Variants in ANKS1B observed in about 807,000 individuals in gnomAD.
ANKS1B encodes the protein ankyrin repeat and sterile alpha motif domain containing 1B.
A neutral mutation model predicts 148.3 loss-of-function variants in ANKS1B; 36 were observed. That is an observed-to-expected ratio of 0.24 (90% CI 0.19 to 0.32). The LOEUF (loss-of-function observed/expected upper bound fraction) is 0.32. Ranked by LOEUF, ANKS1B falls within the 10% of genes least tolerant of loss-of-function variation. The pLI is 1.00. For synonymous variants in ANKS1B, 542 were observed against 560.8 expected (o/e 0.97, Z 0.47); for missense variants, 1,157 against 1,542.6 (o/e 0.75, Z 4.19).
intron 14 of ANKS1B, among the ~76,000 whole-genome samples, chr12:99,190,769 A>G (rs1375913267): frequency 6.6e-6 from 1 of 152,234 alleles, no homozygotes; most frequent in Non-Finnish European, 1.5e-5. Context: ...AATACCATTC[A>G]GGACACAGGC....
intron 25 of ANKS1B, among the ~76,000 whole-genome samples, chr12:98,760,115 T>C (rs1451848664): frequency 6.6e-6 from 1 of 152,254 alleles, no homozygotes; most frequent in Non-Finnish European, 1.5e-5. Context: ...GAATAGTAGT[T>C]ATCACTGCGT....
At chr12:99,179,297 CG>C (rs1185110287) in intron 14 of ANKS1B, among the ~76,000 whole-genome samples, 1 of 151,630 alleles carries the variant, frequency 6.6e-6, no homozygotes, top group African/African-American at 2.4e-5. Flanking sequence ...GGCGTGGTGG[CG>C]GGTGCCTGTA....
chr12:99,009,364 G>C (rs987087574), intron 17 of ANKS1B, among the ~76,000 whole-genome samples: 1 of 152,184 alleles, frequency 6.6e-6, no homozygotes, highest in African/African-American at 2.4e-5. Context: ...ACAGAGAGAA[G>C]GGACTGGACA....
intron 9 of ANKS1B, among the ~76,000 whole-genome samples, chr12:99,629,444 A>G (rs953112262): frequency 6.6e-6 from 1 of 152,182 alleles, no homozygotes; most frequent in Non-Finnish European, 1.5e-5. Flanking sequence ...GTACTCTACT[A>G]TTACTACTTA....
chr12:99,459,408 G>T lies in ANKS1B; in HGVS notation c.1439-15599C>A, dbSNP rs150064949. On this transcript the variant is annotated intron_variant, in intron 10 of 26. Coordinates refer to ENST00000683438, the MANE Select transcript of ANKS1B (RefSeq NM_001352186.2). ...AACATAGTACTGGAAGTCCTAGCCA[G>T]AGAAATCAGATAAAAGAAAGAAATA... 8.2e-4 allele frequency among the ~76,000 whole-genome samples: 124 copies of T among 152,112 alleles called. 1 individual carries two copies. The highest frequency in any genetic ancestry group is 2.9e-3 in the African/African-American group (122 of 41,512).
At chr12:99,694,133 C>G (rs551669101) in intron 8 of ANKS1B, among the ~76,000 whole-genome samples, 48 of 149,326 alleles carry the variant, frequency 3.2e-4, no homozygotes, top group African/African-American at 1.1e-3. Context: ...TCTATAAAAG[C>G]ATTAGAATTG....
intron 1 of ANKS1B, among the ~76,000 whole-genome samples, chr12:99,938,821 C>T (rs1193210778): frequency 6.6e-6 from 1 of 152,130 alleles, no homozygotes; most frequent in Non-Finnish European, 1.5e-5. Context: ...CCTTCCATTT[C>T]CCGACTAAAT....
intron 1 of ANKS1B, among the ~76,000 whole-genome samples, chr12:99,844,224 G>C (rs891596306): frequency 1.3e-5 from 2 of 152,010 alleles, no homozygotes; most frequent in Non-Finnish European, 2.9e-5. Flanking sequence ...AGTTTCTTTT[G>C]CTGTGCAGAA....
intron 9 of ANKS1B, among the ~76,000 whole-genome samples, chr12:99,582,329 C>A (rs2097578421): frequency 1.3e-5 from 2 of 151,694 alleles, no homozygotes; most frequent in African/African-American, 4.8e-5. Context: ...ACTATGTAAT[C>A]CCACATCTAG....
In ANKS1B at chr12:99,660,223, C is replaced by T. The variant is rs528234555; in HGVS notation, c.1129-5013G>A. Among the ~76,000 whole-genome samples the T allele has an allele frequency of 4.6e-5, 7 of 152,258 alleles. No homozygotes were observed. The South Asian group carries it at 1.5e-3, about 32-fold the overall frequency. On this transcript the variant is annotated intron_variant, in intron 8 of 26. Transcript: ENST00000683438. ...TGAAAGAGTGAAGCTTTCCTAGCCT[C>T]GGTCCCACATTCAGTGGGTGTACTT...
intron 1 of ANKS1B, among the ~76,000 whole-genome samples, chr12:99,939,715 C>G (rs767592390): frequency 6.6e-6 from 1 of 152,080 alleles, no homozygotes; most frequent in Non-Finnish European, 1.5e-5. Flanking sequence ...GAAAAGTGTT[C>G]AACTGTTACT....
At chr12:99,963,525 A>G (rs2095444474) in intron 1 of ANKS1B, among the ~76,000 whole-genome samples, 1 of 152,214 alleles carries the variant, frequency 6.6e-6, no homozygotes. Context: ...ATGATCTTTT[A>G]AAGTACAGAA....
intron 12 of ANKS1B, among the ~76,000 whole-genome samples, chr12:99,382,958 C>T (rs1396661680): frequency 6.6e-6 from 1 of 152,018 alleles, no homozygotes; most frequent in Non-Finnish European, 1.5e-5. Context: ...CCTCCCTGCC[C>T]CCTCCCACCC....
intron 24 of ANKS1B, 78 bp downstream of exon 24, chr12:98,781,039 T>TA: frequency 1.1e-6 from 1 of 875,168 alleles, no homozygotes; most frequent in South Asian, 1.7e-5. Context: ...TGCTGGGTAT[T>TA]ATAGGAAGCA....
intron 1 of ANKS1B, among the ~76,000 whole-genome samples, chr12:99,972,330 C>G (rs1432010926): frequency 6.6e-6 from 1 of 152,172 alleles, no homozygotes; most frequent in African/African-American, 2.4e-5. Flanking sequence ...TTATGCCTAA[C>G]AGTTAGCCAA....
At chr12:99,334,135 T>C (rs761434052) in intron 12 of ANKS1B, among the ~76,000 whole-genome samples, 4 of 150,840 alleles carry the variant, frequency 2.7e-5, no homozygotes, top group Admixed American at 6.6e-5. Flanking sequence ...TCTAAATAGA[T>C]AGATAGATAG....
chr12:99,034,436 C>T (rs140425774), intron 17 of ANKS1B, among the ~76,000 whole-genome samples: 1,713 of 152,258 alleles, frequency 0.011, 42 homozygotes, highest in African/African-American at 0.039. Context: ...CCACCTCAGC[C>T]TCCTGAGTAG....
intron 15 of ANKS1B, among the ~76,000 whole-genome samples, chr12:99,114,779 G>T (rs2060996112): frequency 6.6e-6 from 1 of 151,350 alleles, no homozygotes; most frequent in Admixed American, 6.6e-5. Context: ...AAATTCACAA[G>T]AAATAAACAA....
intron 14 of ANKS1B, among the ~76,000 whole-genome samples, chr12:99,165,213 C>T (rs1269467954): frequency 1.3e-5 from 2 of 151,674 alleles, no homozygotes; most frequent in East Asian, 1.9e-4. Flanking sequence ...TCAGAATTCA[C>T]TTTAAGAAAT....
Sources: gnomAD v4.1 joint callset for allele counts (sites outside exome capture counted in the v4.1 genomes callset) on GRCh38, gnomAD v4.1.1 for gene constraint, MANE v1.5 for transcripts, NCBI Gene and HGNC (gene_info 2026-07-23, HGNC 2026-07-21) for gene names.